Variants in SLIT1 observed in about 807,000 individuals in gnomAD.
SLIT1 encodes slit homolog 1 protein.
Under a neutral mutation model 186.1 loss-of-function variants are expected in SLIT1, and 66 were observed. That is an observed-to-expected ratio of 0.35 (90% confidence interval 0.29 to 0.44). The LOEUF (loss-of-function observed/expected upper bound fraction) is 0.44. Ranked by LOEUF, SLIT1 falls within the 20% of genes least tolerant of loss-of-function variation. The pLI is 1.00. For synonymous variants in SLIT1, 761 were observed against 833.8 expected, an observed-to-expected ratio of 0.91 and a Z score of 1.50; for missense variants, 1,638 against 2,037.4, an observed-to-expected ratio of 0.80 and a Z score of 3.77.
intron 13 of SLIT1, 140 bp from the exon 14 acceptor site, chr10:97,049,258 GAGAGA>G: frequency 1.0e-6 from 1 of 980,236 alleles, no homozygotes; most frequent in South Asian, 1.7e-5. Context: ...CGGGGGGAAA[GAGAGA>G]GTGGGGTGAA....
At chr10:97,089,047 C>A (rs1205441842) in intron 4 of SLIT1, among the ~76,000 whole-genome samples, 2 of 152,154 alleles carry the variant, frequency 1.3e-5, no homozygotes, top group African/African-American at 4.8e-5. Flanking sequence ...GGAGAAACTG[C>A]AGGAAAGCAA....
chr10:97,043,477 G>T lies in SLIT1; in HGVS notation c.1890C>A (p.Asn630Lys). Residue 630 changes from asparagine to lysine, a missense_variant, in exon 19 of 37, where the codon AAC becomes AAA. Asn to Lys is a moderately conservative substitution (Grantham distance 94, BLOSUM62 0). This residue lies in a region of SLIT1 where 1,245 missense variants were observed against 1,535.3 expected (regional missense o/e 0.81). Transcript: ENST00000266058. This position sits in a 1 kb window ranked among gnomAD's most constrained non-coding sequence, Gnocchi z 7.0. The stretch of plus-strand genomic sequence containing the variant: ...CGTTGCGCAGGCCCGTGAAGCTGTC[G>T]TTGTGGATGCAGCTGATGCGGTTGT... The part of the protein sequence containing the change: ...LRNNRISCIH[N>K]DSFTGLRNVR... 6.2e-7 allele frequency: 1 copy of T among 1,613,828 alleles called. No individual in the cohort carries two copies. Among genetic ancestry groups the T allele is most frequent in the South Asian group, 1.1e-5 (1 of 91,062 alleles).
Position 97,059,496 on chromosome 10 carries a change from G to C in SLIT1, c.1049C>G (p.Pro350Arg). Reference protein sequence around the residue: ...LSNNQIAEIAPDAFQGLRSLN... With the variant: ...LSNNQIAEIARDAFQGLRSLN... ...GGAGCGGAGGCCCTGGAAGGCGTCG[G>C]GTGCAATCTCAGCGATCTGATTGTT... Residue 350 changes from proline (P) to arginine (R), a missense_variant, in exon 11 of 37, where the codon CCC (proline) becomes CGC (arginine). Coordinates refer to ENST00000266058, the MANE Select transcript of SLIT1 (RefSeq NM_003061.3). The C allele has an allele frequency of 6.2e-7, 1 of 1,613,854 alleles. No homozygotes were observed. The highest frequency in any genetic ancestry group is 8.5e-7 in the Non-Finnish European group (1 of 1,180,012).
Position 97,002,378 on chromosome 10 carries a change from G to A in SLIT1, c.4155-9C>T, listed in dbSNP as rs1848318872. 2 of 1,584,460 alleles carry A rather than the reference G, an allele frequency of 1.3e-6. No individual in the cohort carries two copies. The highest frequency in any genetic ancestry group is 1.7e-6 in the Non-Finnish European group (2 of 1,165,650). On this transcript the variant is annotated splice_polypyrimidine_tract_variant and intron_variant, in intron 35 of 36. Coordinates refer to ENST00000266058, the MANE Select transcript of SLIT1 (RefSeq NM_003061.3). ...ATTGCCCATGGACACACCTGGAGGA[G>A]ACAGAGAAAAGGCGCTGTGAGGACA...
intron 4 of SLIT1, among the ~76,000 whole-genome samples, chr10:97,135,671 C>G (rs1191013797): frequency 6.6e-6 from 1 of 152,194 alleles, no homozygotes; most frequent in Non-Finnish European, 1.5e-5. Context: ...TCAGGGCACT[C>G]TGACTGGATG....
intron 4 of SLIT1, among the ~76,000 whole-genome samples, chr10:97,117,514 C>T (rs1437802151): frequency 6.6e-6 from 1 of 152,116 alleles, no homozygotes; most frequent in African/African-American, 2.4e-5. Flanking sequence ...GGTTATAAAT[C>T]CACAAGGGTG....
At chr10:97,052,370 G>A (rs1848797231) in intron 13 of SLIT1, among the ~76,000 whole-genome samples, 1 of 152,092 alleles carries the variant, frequency 6.6e-6, no homozygotes, top group African/African-American at 2.4e-5. Flanking sequence ...AAAGCACTGG[G>A]ATTACAGGTG....
At chr10:97,116,527 G>A (rs1415349314) in intron 4 of SLIT1, among the ~76,000 whole-genome samples, 2 of 152,324 alleles carry the variant, frequency 1.3e-5, no homozygotes, top group East Asian at 1.9e-4. Context: ...CTGACCAGGA[G>A]CCCATCCTGT....
chr10:97,015,371 T>C (rs1456220455), intron 28 of SLIT1, among the ~76,000 whole-genome samples: 6 of 152,218 alleles, frequency 3.9e-5, no homozygotes, highest in Admixed American at 6.5e-5. Flanking sequence ...GAAGGCCTCA[T>C]AGAACTGTCA....
At chr10:97,112,480 G>C (rs955185523) in intron 4 of SLIT1, among the ~76,000 whole-genome samples, 17 of 152,122 alleles carry the variant, frequency 1.1e-4, no homozygotes, top group African/African-American at 3.9e-4. Context: ...AAAGCAATGG[G>C]CCAGGACAGA....
chr10:97,145,579 C>T (rs530745027), intron 4 of SLIT1, among the ~76,000 whole-genome samples: 1 of 152,260 alleles, frequency 6.6e-6, no homozygotes, highest in Non-Finnish European at 1.5e-5. Flanking sequence ...AGGGTCCACT[C>T]GTGACAGGCC....
chr10:97,178,004 A>C (rs761874232), intron 1 of SLIT1, among the ~76,000 whole-genome samples: 9 of 152,174 alleles, frequency 5.9e-5, no homozygotes, highest in Non-Finnish European at 1.3e-4. Flanking sequence ...AACAAACAAA[A>C]AAACAGATGA....
In SLIT1 at chr10:97,006,383, T is replaced by A; in HGVS notation, c.3579+100A>T. On this transcript the variant is annotated intron_variant, in intron 32 of 36. Coordinates refer to ENST00000266058, the MANE Select transcript of SLIT1 (RefSeq NM_003061.3). The surrounding 1 kb of genome is among the most constrained non-coding windows in gnomAD (Gnocchi z 4.0). The stretch of plus-strand genomic sequence containing the variant: ...TTTTGATTACACAGAGTCCTTCCAG[T>A]TCCCCAGGCACCATGCAGGGATGTA... 1 of 780,658 alleles carries A rather than the reference T, an allele frequency of 1.3e-6. No individual in the cohort carries two copies. The highest frequency in any genetic ancestry group is 2.2e-6 in the Non-Finnish European group (1 of 461,962). 48.4% of individuals were successfully genotyped at this position (780,658 alleles called of 1,614,324 possible). A position where few individuals can be genotyped will look rare whatever the true frequency, so the allele number is the denominator to read the frequency against.
chr10:97,066,483 G>T (rs568141355), intron 4 of SLIT1, among the ~76,000 whole-genome samples: 1 of 152,118 alleles, frequency 6.6e-6, no homozygotes, highest in Non-Finnish European at 1.5e-5. Flanking sequence ...GGTGGGGCCT[G>T]GTGGGAGGTG....
chr10:97,167,152 C>A (rs139045846), intron 1 of SLIT1, among the ~76,000 whole-genome samples: 81 of 152,276 alleles, frequency 5.3e-4, no homozygotes, highest in African/African-American at 1.7e-3. Flanking sequence ...GCCTCCCCAC[C>A]CTAAATGCTG....
Position 97,169,662 on chromosome 10 carries a change from A to G in SLIT1, c.198-4772T>C, listed in dbSNP as rs537354427. ...CAGCCTCGAGTGTCAGGAAGATCCC[A>G]AGGTCCAGAGCCCACCTGGGCTCCC... On this transcript the variant is annotated intron_variant, in intron 1 of 36. Transcript: ENST00000266058. Among the ~76,000 whole-genome samples the G allele has an allele frequency of 7.2e-5, 11 of 152,292 alleles. No individual in the cohort carries two copies. In the South Asian group the frequency reaches 2.1e-3, roughly 29 times the overall value.
At chr10:97,003,844 G>C (rs970168341) in intron 34 of SLIT1, among the ~76,000 whole-genome samples, 1 of 152,194 alleles carries the variant, frequency 6.6e-6, no homozygotes, top group African/African-American at 2.4e-5. Context: ...CCTCCCCTAA[G>C]CCAGACCTTG....
intron 16 of SLIT1, among the ~76,000 whole-genome samples, 170 bp from the exon 17 acceptor site, chr10:97,047,235 T>C (rs899217469): frequency 6.6e-6 from 1 of 152,216 alleles, no homozygotes; most frequent in African/African-American, 2.4e-5. Flanking sequence ...TGGGAGAGGA[T>C]ATGAATGGGG....
At chr10:97,026,604 T>C (rs929350498) in intron 25 of SLIT1, among the ~76,000 whole-genome samples, 1 of 152,232 alleles carries the variant, frequency 6.6e-6, no homozygotes, top group East Asian at 1.9e-4. Context: ...AAATTCTTAA[T>C]GCATTTGGAC....
Sources: gnomAD v4.1 joint callset for allele counts (sites outside exome capture counted in the v4.1 genomes callset) on GRCh38, gnomAD v4.1.1 for gene constraint, gnomAD v4.1.1 regional missense constraint, Gnocchi (gnomAD v3.1) non-coding constraint, MANE v1.5 for transcripts, NCBI Gene and HGNC (gene_info 2026-07-23, HGNC 2026-07-21) for gene names.